The following MYO5C variants were observed in gnomAD, a reference collection of about 807,000 sequenced individuals.
MYO5C encodes unconventional myosin-Vc.
In MYO5C, 194 loss-of-function variants were observed where a neutral mutation model predicts 235.7. The ratio of observed to expected loss-of-function variants is 0.82; its 90% CI spans 0.73 to 0.93. MYO5C has a LOEUF of 0.93. Ranked by LOEUF, MYO5C falls within the 40% of genes least tolerant of loss-of-function variation. The probability of loss-of-function intolerance (pLI) is 0.00; values close to 1 mark genes in which losing one functional copy is unlikely to be tolerated. For synonymous variants in MYO5C, 707 were observed against 754.8 expected, an observed-to-expected ratio of 0.94 and a Z score of 1.04; for missense variants, 2,038 against 2,127.2, an observed-to-expected ratio of 0.96 and a Z score of 0.82.
Position 52,283,044 on chromosome 15 carries a change from G to A in MYO5C, c.28-152C>T, listed in dbSNP as rs577228367. The stretch of plus-strand genomic sequence containing the variant: ...AATTTTGCTTATGAGGTGATCTTTC[G>A]TGCATCTGTGATGCACCAGGCCTGG... On this transcript the variant is annotated intron_variant, in intron 1 of 40. Transcript: ENST00000261839. 39 of 635,390 alleles carry A rather than the reference G, an allele frequency of 6.1e-5. 1 individual carries two copies. The highest frequency in any genetic ancestry group is 2.7e-4 in the East Asian group (10 of 36,426). 39.4% of individuals were successfully genotyped at this position (635,390 alleles called of 1,614,324 possible).
intron 22 of MYO5C, 112 bp downstream of exon 22, chr15:52,237,370 C>G: frequency 7.4e-7 from 1 of 1,353,502 alleles, no homozygotes; most frequent in Non-Finnish European, 1.0e-6. Flanking sequence ...AAGTTGATAG[C>G]AAAATCTGAT....
chr15:52,246,240 G>A (rs1193729162), intron 16 of MYO5C, among the ~76,000 whole-genome samples, 198 bp from the exon 17 acceptor site: 2 of 152,178 alleles, frequency 1.3e-5, no homozygotes, highest in Admixed American at 1.3e-4. Context: ...ATAGAGAAAG[G>A]AGCAGCTGAC....
At chr15:52,241,749 T>A (rs55951869) in intron 20 of MYO5C, among the ~76,000 whole-genome samples, 99,830 of 149,894 alleles carry the variant, frequency 0.67, 37,163 homozygotes, top group Non-Finnish European at 0.84. Flanking sequence ...TGTGTGTGTG[T>A]GTGAGAGAGA....
intron 7 of MYO5C, 78 bp downstream of exon 7, chr15:52,271,685 T>C: frequency 1.3e-6 from 1 of 791,908 alleles, no homozygotes; most frequent in African/African-American, 1.8e-5. Context: ...ACAAATATAT[T>C]ACTATAAGAA....
chr15:52,223,854 G>C, intron 28 of MYO5C, 130 bp from the exon 29 acceptor site: 1 of 692,834 alleles, frequency 1.4e-6, no homozygotes. Flanking sequence ...ATGCACTCAC[G>C]GTTACAGGCT....
Position 52,282,724 on chromosome 15 carries a change from A to T in MYO5C, c.138+58T>A, listed in dbSNP as rs2037184995. ...GGGGTCCACGTGCTCCCATCCTTAC[A>T]CACACCCCAGCTACCGCTTTACACA... On this transcript the variant is annotated intron_variant, in intron 2 of 40. Coordinates refer to ENST00000261839, the MANE Select transcript of MYO5C (RefSeq NM_018728.4). The T allele has an allele frequency of 3.2e-6, 4 of 1,265,780 alleles. No homozygotes were observed. The East Asian group carries it at 9.2e-5, about 29-fold the overall frequency. 78.4% of individuals were successfully genotyped at this position (1,265,780 alleles called of 1,614,324 possible).
intron 30 of MYO5C, among the ~76,000 whole-genome samples, chr15:52,220,498 G>A (rs1287418772): frequency 1.3e-5 from 2 of 151,956 alleles, no homozygotes; most frequent in East Asian, 1.9e-4. Context: ...GACTACAGGC[G>A]CATACTGCCA....
intron 14 of MYO5C, 96 bp downstream of exon 14, chr15:52,248,603 CA>C: frequency 6.9e-6 from 6 of 872,944 alleles, no homozygotes; most frequent in Non-Finnish European, 1.1e-5. Context: ...CACACACACA[CA>C]CACTCTCTCT....
At chr15:52,237,346 C>T (rs1596175109) in intron 22 of MYO5C, 136 bp downstream of exon 22, 1 of 1,051,346 alleles carries the variant, frequency 9.5e-7, no homozygotes, top group East Asian at 2.4e-5. Flanking sequence ...AAGGTAGGCT[C>T]CCTTTGGTAA....
rs1596174094 is a variant in MYO5C at position 52,236,496 on chromosome 15, G to A, written c.2869-733C>T. Among the ~76,000 whole-genome samples the A allele has an allele frequency of 3.3e-5, 5 of 152,304 alleles. No homozygotes were observed. In the South Asian group the frequency reaches 1.0e-3, roughly 32 times the overall value. Reference sequence around the variant, plus strand: ...TCGAGACCAGCTTGGCCAACATGGTGAAACCCCACCTCTACCAAAAATACA... The same window carrying A: ...TCGAGACCAGCTTGGCCAACATGGTAAAACCCCACCTCTACCAAAAATACA... On this transcript the variant is annotated intron_variant, in intron 22 of 40. Coordinates refer to ENST00000261839, the MANE Select transcript of MYO5C (RefSeq NM_018728.4).
intron 22 of MYO5C, 160 bp downstream of exon 22, chr15:52,237,322 C>T: frequency 1.3e-6 from 1 of 776,666 alleles, no homozygotes; most frequent in East Asian, 2.6e-5. Context: ...ATCCTCTGAT[C>T]TCGCCTTTCC....
intron 4 of MYO5C, 96 bp downstream of exon 4, chr15:52,278,777 G>T: frequency 2.3e-5 from 33 of 1,426,370 alleles, no homozygotes; most frequent in Middle Eastern, 2.6e-4. Flanking sequence ...CTCTTTTAAT[G>T]AGCCCAACCT....
At chr15:52,258,842 T>C (rs1252734696) in intron 10 of MYO5C, among the ~76,000 whole-genome samples, 1 of 152,232 alleles carries the variant, frequency 6.6e-6, no homozygotes, top group African/African-American at 2.4e-5. Context: ...CTCAGGTTTT[T>C]CCACATAGCT....
chr15:52,228,147 A>ATT (rs770508125), intron 25 of MYO5C, among the ~76,000 whole-genome samples: 11 of 145,780 alleles, frequency 7.5e-5, no homozygotes, highest in Admixed American at 6.2e-4. Flanking sequence ...ACAGGTAACA[A>ATT]TTTTTTTTTT....
intron 9 of MYO5C, among the ~76,000 whole-genome samples, chr15:52,263,352 C>T (rs1269142291): frequency 6.6e-6 from 1 of 152,128 alleles, no homozygotes; most frequent in Non-Finnish European, 1.5e-5. Context: ...TAGTATATGT[C>T]ATAGAAGAAA....
At chr15:52,227,254 G>C (rs192207039) in intron 25 of MYO5C, among the ~76,000 whole-genome samples, 124 of 144,100 alleles carry the variant, frequency 8.6e-4, no homozygotes, top group African/African-American at 3.0e-3. Flanking sequence ...GAGTTCAGTG[G>C]TGCAATCTCG....
rs1397146740 is a variant in MYO5C at position 52,237,529 on chromosome 15, G to T, written c.2821C>A (p.Arg941=). 11 of 1,613,830 alleles carry T rather than the reference G, an allele frequency of 6.8e-6. 1 individual carries two copies. The highest frequency in any genetic ancestry group is 9.3e-6 in the Non-Finnish European group (11 of 1,180,008). ...AELEKAATHR[R]NYEEKGKRYR... ...CTCTTCCCCTTCTCCTCGTAATTTC[G>T]CCTGTGAGTGGCTGCTTTTTCTAGT... Residue 941 remains arginine (R), a synonymous_variant, in exon 22 of 41, where the codon CGA becomes AGA. Coordinates refer to ENST00000261839, the MANE Select transcript of MYO5C (RefSeq NM_018728.4).
intron 30 of MYO5C, among the ~76,000 whole-genome samples, chr15:52,220,628 G>A (rs1429335482): frequency 2.0e-5 from 3 of 151,208 alleles, no homozygotes; most frequent in East Asian, 3.9e-4. Flanking sequence ...AGACCAACCT[G>A]GCCAACATGG....
chr15:52,229,763 C>T (rs553992457), intron 24 of MYO5C, among the ~76,000 whole-genome samples: 3 of 152,286 alleles, frequency 2.0e-5, no homozygotes, highest in East Asian at 1.9e-4. Context: ...AGGTAATGGC[C>T]TTATTTTTAG....
Sources: allele counts gnomAD v4.1 joint callset (sites outside exome capture counted in the v4.1 genomes callset), GRCh38; gene constraint gnomAD v4.1.1; transcripts MANE v1.5; gene names NCBI Gene and HGNC (gene_info 2026-07-23, HGNC 2026-07-21).